The following FTO variants were observed in gnomAD, a reference collection of about 807,000 sequenced individuals.
FTO encodes alpha-ketoglutarate-dependent dioxygenase FTO.
FTO carries 47 observed loss-of-function variants against 63.9 expected under a neutral mutation model. The observed-to-expected ratio is 0.74, with a 90% CI of 0.58 to 0.94. FTO has a LOEUF of 0.94. FTO is among the 40% of genes least tolerant of loss of function. The probability of loss-of-function intolerance (pLI) is 0.00; values close to 1 mark genes in which losing one functional copy is unlikely to be tolerated. For synonymous variants in FTO, 207 were observed against 224.4 expected (o/e 0.92, Z 0.69); for missense variants, 562 against 618.1 (o/e 0.91, Z 0.96).
At chr16:53,869,419 T>C (rs1378429803) in intron 4 of FTO, among the ~76,000 whole-genome samples, 2 of 152,104 alleles carry the variant, frequency 1.3e-5, no homozygotes, top group Non-Finnish European at 2.9e-5. Flanking sequence ...TGTCTAACAT[T>C]AATTTAAGAA....
At chr16:53,996,903 G>A (rs1392631448) in intron 8 of FTO, among the ~76,000 whole-genome samples, 1 of 152,120 alleles carries the variant, frequency 6.6e-6, no homozygotes, top group Non-Finnish European at 1.5e-5. Flanking sequence ...GAGGTCAGGA[G>A]TTCAAGACCA....
At position 53,888,612 on chromosome 16, in the gene FTO, G is replaced by A. The variant is rs528988010; in HGVS notation, c.1120-220G>A. 3.3e-5 allele frequency among the ~76,000 whole-genome samples: 5 copies of A among 152,170 alleles called. No individual in the cohort carries two copies. In the South Asian group the frequency reaches 8.3e-4, roughly 25 times the overall value. On this transcript the variant is annotated intron_variant, in intron 6 of 8. Coordinates refer to ENST00000471389, the MANE Select transcript of FTO (RefSeq NM_001080432.3). ...TAGGATTATAGGCATGAACCAACAC[G>A]TCTGGCCAGACCTCAGTTTTAAGAC...
At chr16:53,787,110 CAAAAAAAAAAAAAAAAAA>C (rs35391915) in intron 1 of FTO, among the ~76,000 whole-genome samples, 4 of 56,172 alleles carry the variant, frequency 7.1e-5, no homozygotes, top group Non-Finnish European at 1.1e-4. Flanking sequence ...GACTCCTTCT[CAAAAAAAAAAAAAAAAAA>C]AAAAAAAAAA....
intron 1 of FTO, among the ~76,000 whole-genome samples, chr16:53,792,040 C>G (rs1327790105): frequency 6.7e-6 from 1 of 150,036 alleles, no homozygotes; most frequent in Non-Finnish European, 1.5e-5. Context: ...TGCGCCACTG[C>G]ACTCCCGCCT....
intron 4 of FTO, among the ~76,000 whole-genome samples, chr16:53,856,976 TA>T (rs144876075): frequency 2.6e-5 from 4 of 152,126 alleles, no homozygotes; most frequent in Non-Finnish European, 5.9e-5. Context: ...GGGGTGATGT[TA>T]AAAAATTGAA....
At chr16:53,767,560 T>G (rs1477489706) in intron 1 of FTO, among the ~76,000 whole-genome samples, 2 of 151,992 alleles carry the variant, frequency 1.3e-5, no homozygotes, top group African/African-American at 2.4e-5. Context: ...TTTTACTTTT[T>G]TACTTTGGAG....
At chr16:53,769,171 G>A (rs2077276575) in intron 1 of FTO, among the ~76,000 whole-genome samples, 1 of 152,138 alleles carries the variant, frequency 6.6e-6, no homozygotes, top group African/African-American at 2.4e-5. Flanking sequence ...GACAAACATG[G>A]GGATGTGGTA....
rs187435327 is a variant in FTO at position 53,773,043 on chromosome 16, A to G, written c.46-37097A>G. On this transcript the variant is annotated intron_variant, in intron 1 of 8. Coordinates refer to ENST00000471389, the MANE Select transcript of FTO (RefSeq NM_001080432.3). ...GTCAGATGATTATTGGTAAAGTAAA[A>G]TGTATTTCTGGGAAGCAGCTGATTA... 2.5e-3 allele frequency among the ~76,000 whole-genome samples: 380 copies of G among 152,010 alleles called. 2 individuals carry two copies. Among genetic ancestry groups the G allele is most frequent in the African/African-American group, 8.8e-3 (366 of 41,490 alleles).
intron 4 of FTO, among the ~76,000 whole-genome samples, chr16:53,871,339 T>C (rs2080486018): frequency 6.6e-6 from 1 of 152,230 alleles, no homozygotes; most frequent in South Asian, 2.1e-4. Context: ...TTTCATATTT[T>C]TGTAGTCTTT....
chr16:54,003,509 C>T (rs2084119542), intron 8 of FTO, among the ~76,000 whole-genome samples: 3 of 152,002 alleles, frequency 2.0e-5, no homozygotes, highest in Admixed American at 1.3e-4. Context: ...TAGAGCTTTC[C>T]TTTTTTAAAA....
chr16:53,739,165 T>G (rs540259062), intron 1 of FTO, among the ~76,000 whole-genome samples: 1 of 151,974 alleles, frequency 6.6e-6, no homozygotes, highest in African/African-American at 2.4e-5. Flanking sequence ...TTGATTCTTA[T>G]AATTCTATTA....
At chr16:53,790,815 A>G (rs2077894521) in intron 1 of FTO, among the ~76,000 whole-genome samples, 1 of 152,158 alleles carries the variant, frequency 6.6e-6, no homozygotes, top group Admixed American at 6.5e-5. Context: ...TGTTTTGTAG[A>G]GTTAGAAGAG....
rs1567315554 is a variant in FTO, at chr16:53,810,142, A to C, written c.48A>C (p.Lys16Asn). The C allele has an allele frequency of 1.2e-6, 2 of 1,605,298 alleles. No homozygotes were observed. Among genetic ancestry groups the C allele is most frequent in the Non-Finnish European group, 8.5e-7 (1 of 1,172,568 alleles). Residue 16 changes from lysine to asparagine, a missense_variant and splice_region_variant, in exon 2 of 9, where the codon AAA (lysine) becomes AAC (asparagine). Lys to Asn is a moderately conservative substitution (Grantham distance 94). Transcript: ENST00000471389. ...ATGTAATTATTATTTTCAAACAGAA[A>C]CTGAGGCTTCTTGAAGAGCTTGAAG... The part of the protein sequence containing the change: ...TAEEREREAK[K>N]LRLLEELEDT...
intron 1 of FTO, among the ~76,000 whole-genome samples, chr16:53,713,995 T>G (rs982463945): frequency 2.0e-5 from 3 of 152,180 alleles, no homozygotes; most frequent in African/African-American, 7.2e-5. Context: ...TGCTGATCAT[T>G]TATTTACTCT....
At chr16:53,979,429 G>T in intron 8 of FTO, 1 of 398,486 alleles carries the variant, frequency 2.5e-6, no homozygotes, top group Non-Finnish European at 4.4e-6. Flanking sequence ...CTCAAGTTTG[G>T]CAGCATGGAA....
At chr16:54,050,946 C>A (rs1307942667) in intron 8 of FTO, among the ~76,000 whole-genome samples, 7 of 152,158 alleles carry the variant, frequency 4.6e-5, no homozygotes, top group Non-Finnish European at 1.0e-4. Context: ...TGAAAACATT[C>A]TATGTGAAAG....
intron 2 of FTO, among the ~76,000 whole-genome samples, chr16:53,817,258 T>C (rs2078720724): frequency 6.6e-6 from 1 of 152,214 alleles, no homozygotes; most frequent in Non-Finnish European, 1.5e-5. Flanking sequence ...ACCTCAAGTC[T>C]TGTGATAGCT....
At chr16:53,847,855 G>A (rs1598815973) in intron 4 of FTO, among the ~76,000 whole-genome samples, 1 of 151,988 alleles carries the variant, frequency 6.6e-6, no homozygotes, top group East Asian at 1.9e-4. Context: ...AGTATACACT[G>A]TAAAATATAC....
intron 8 of FTO, among the ~76,000 whole-genome samples, chr16:54,075,327 G>A (rs534766592): frequency 6.6e-6 from 1 of 152,044 alleles, no homozygotes; most frequent in African/African-American, 2.4e-5. Flanking sequence ...GTTCGCCTCT[G>A]ATAAAAAAGA....
Sources: gnomAD v4.1 joint callset for allele counts (sites outside exome capture counted in the v4.1 genomes callset) on GRCh38, gnomAD v4.1.1 for gene constraint, MANE v1.5 for transcripts, NCBI Gene and HGNC (gene_info 2026-07-23, HGNC 2026-07-21) for gene names.